Variants in CNTN5 observed in about 807,000 individuals in gnomAD.
The protein encoded by CNTN5 is contactin 5.
CNTN5 carries 77 observed loss-of-function variants against 129.1 expected under a neutral mutation model. That is an observed-to-expected ratio of 0.60 (90% CI 0.50 to 0.72). The LOEUF (loss-of-function observed/expected upper bound fraction) is 0.72, where lower values mean the gene tolerates loss of function less well. CNTN5 is among the 30% of genes least tolerant of loss of function. The pLI is 0.00. For missense variants in CNTN5, 1,478 were observed against 1,328.8 expected (o/e 1.11, Z -1.75); for synonymous variants, 509 against 465.6 (o/e 1.09, Z -1.20).
At chr11:99,579,306 G>T (rs939483065) in intron 3 of CNTN5, among the ~76,000 whole-genome samples, 1 of 150,442 alleles carries the variant, frequency 6.6e-6, no homozygotes, top group Non-Finnish European at 1.5e-5. Flanking sequence ...TTGACTTGGC[G>T]ATGTGGGCTC....
intron 1 of CNTN5, among the ~76,000 whole-genome samples, chr11:99,156,295 T>A (rs1043494586): frequency 6.6e-6 from 1 of 152,074 alleles, no homozygotes; most frequent in Non-Finnish European, 1.5e-5. Flanking sequence ...AATCTTTGAA[T>A]AGATTTTTAA....
At chr11:100,308,076 C>G (rs913628696) in intron 20 of CNTN5, among the ~76,000 whole-genome samples, 2 of 151,680 alleles carry the variant, frequency 1.3e-5, no homozygotes, top group Non-Finnish European at 1.5e-5. Context: ...GCTAGACTGG[C>G]AGAAAATTTA....
At chr11:99,986,219 T>C (rs1352549296) in intron 8 of CNTN5, among the ~76,000 whole-genome samples, 1 of 152,082 alleles carries the variant, frequency 6.6e-6, no homozygotes, top group Non-Finnish European at 1.5e-5. Context: ...AGCTCTCAAC[T>C]CTCTATCCCA....
chr11:99,284,561 A>C (rs1863839351), intron 1 of CNTN5, among the ~76,000 whole-genome samples: 1 of 148,366 alleles, frequency 6.7e-6, no homozygotes, highest in Admixed American at 6.8e-5. Context: ...TTCCTTTGAT[A>C]ATTATTTCTT....
intron 13 of CNTN5, among the ~76,000 whole-genome samples, chr11:100,112,469 A>G (rs149614573): frequency 0.019 from 2,951 of 152,252 alleles, 94 homozygotes; most frequent in African/African-American, 0.066. Flanking sequence ...TAACTATCAG[A>G]CACCGAAAAT....
chr11:99,616,389 T>A (rs2135746648), intron 3 of CNTN5, among the ~76,000 whole-genome samples: 1 of 152,340 alleles, frequency 6.6e-6, no homozygotes, highest in African/African-American at 2.4e-5. Flanking sequence ...AAACATCAGT[T>A]CTCTTAACTA....
At chr11:100,353,418 G>A (rs1237937038) in intron 24 of CNTN5, among the ~76,000 whole-genome samples, 1 of 151,478 alleles carries the variant, frequency 6.6e-6, no homozygotes. Flanking sequence ...TGTTTTGTGG[G>A]GTTGTTTTGC....
intron 3 of CNTN5, among the ~76,000 whole-genome samples, chr11:99,658,667 T>A (rs1952473676): frequency 6.8e-6 from 1 of 146,460 alleles, no homozygotes; most frequent in Non-Finnish European, 1.5e-5. Context: ...AGGTCAGGGG[T>A]TTGAGAACAG....
chr11:99,892,427 C>G (rs1043642703), intron 6 of CNTN5, among the ~76,000 whole-genome samples: 3 of 152,090 alleles, frequency 2.0e-5, no homozygotes, highest in African/African-American at 7.2e-5. Context: ...ATGGTATCAC[C>G]TAGGTTTTCT....
chr11:99,244,467 A>C (rs1260608233), intron 1 of CNTN5, among the ~76,000 whole-genome samples: 1 of 152,218 alleles, frequency 6.6e-6, no homozygotes, highest in Non-Finnish European at 1.5e-5. Flanking sequence ...TTCTTGAACC[A>C]ATGAATTATT....
At chr11:100,161,842 C>T (rs1348846217) in intron 13 of CNTN5, among the ~76,000 whole-genome samples, 23 of 145,890 alleles carry the variant, frequency 1.6e-4, no homozygotes, top group East Asian at 8.0e-4. Flanking sequence ...CACACACACA[C>T]ACACACACAC....
intron 3 of CNTN5, among the ~76,000 whole-genome samples, chr11:99,647,447 A>C (rs1952007955): frequency 2.0e-5 from 3 of 151,910 alleles, no homozygotes; most frequent in Non-Finnish European, 2.9e-5. Flanking sequence ...ATAATCTTGT[A>C]GTATATTTTG....
At chr11:99,410,812 G>A (rs961957580) in intron 2 of CNTN5, among the ~76,000 whole-genome samples, 1 of 152,160 alleles carries the variant, frequency 6.6e-6, no homozygotes, top group African/African-American at 2.4e-5. Flanking sequence ...CATTATAGCT[G>A]TTGCTCACTC....
At chr11:100,034,851 G>A (rs1183743476) in intron 9 of CNTN5, among the ~76,000 whole-genome samples, 1 of 152,026 alleles carries the variant, frequency 6.6e-6, no homozygotes, top group Non-Finnish European at 1.5e-5. Flanking sequence ...TAACTTTCAG[G>A]ATATGTCCAG....
intron 2 of CNTN5, among the ~76,000 whole-genome samples, chr11:99,339,284 T>C (rs1304852918): frequency 6.6e-6 from 1 of 152,156 alleles, no homozygotes; most frequent in African/African-American, 2.4e-5. Flanking sequence ...ATGCAAAATA[T>C]TTTTAAGTGA....
intron 2 of CNTN5, among the ~76,000 whole-genome samples, chr11:99,339,426 A>G (rs1447606453): frequency 4.6e-5 from 7 of 152,028 alleles, no homozygotes; most frequent in Admixed American, 2.6e-4. Flanking sequence ...CTGAGGCATA[A>G]AGAATGTAAG....
intron 16 of CNTN5, among the ~76,000 whole-genome samples, chr11:100,244,013 A>T (rs1326396384): frequency 1.3e-5 from 2 of 151,966 alleles, no homozygotes; most frequent in Non-Finnish European, 2.9e-5. Flanking sequence ...TTTCATTCTC[A>T]TTATTTACTT....
intron 13 of CNTN5, among the ~76,000 whole-genome samples, chr11:100,094,002 G>A (rs116481111): frequency 0.011 from 1,674 of 152,056 alleles, 22 homozygotes; most frequent in African/African-American, 0.038. Flanking sequence ...TAACTGTGTC[G>A]GATCCTTTTG....
At chr11:100,259,522 T>G (rs1018968806) in intron 17 of CNTN5, among the ~76,000 whole-genome samples, 2 of 152,018 alleles carry the variant, frequency 1.3e-5, no homozygotes, top group Non-Finnish European at 2.9e-5. Context: ...ACACTTATTC[T>G]AAAACTGACC....
Sources: gnomAD v4.1 joint callset for allele counts (sites outside exome capture counted in the v4.1 genomes callset) on GRCh38, gnomAD v4.1.1 for gene constraint, MANE v1.5 for transcripts, NCBI Gene and HGNC (gene_info 2026-07-23, HGNC 2026-07-21) for gene names.